MAP3K9: variants seen among roughly 807,000 people sequenced by gnomAD.
MAP3K9 encodes mixed lineage kinase 1 (tyr and ser/thr specificity).
In MAP3K9, 46 loss-of-function variants were observed where a neutral mutation model predicts 95.8. The ratio of observed to expected loss-of-function variants is 0.48; its 90% CI spans 0.38 to 0.61. The LOEUF is 0.61. Among genes scored for constraint, MAP3K9 ranks in the 20% least tolerant of loss-of-function variants. MAP3K9 has a pLI of 0.00. For synonymous variants in MAP3K9, 533 were observed against 593.8 expected (o/e 0.90, Z 1.49); for missense variants, 1,296 against 1,474.3 (o/e 0.88, Z 1.98).
In MAP3K9 at chr14:70,809,270, CA is replaced by C; in HGVS notation, c.-100del. On this transcript the variant is annotated 5_prime_UTR_variant, in exon 1 of 12. Transcript: ENST00000554752. Reference sequence around the variant, plus strand: ...CCGCAGAGCTGGGAGGACCCCCCCCCAACGACGGCGGCCGCAGGTAGGGCCC... The same window carrying C: ...CCGCAGAGCTGGGAGGACCCCCCCCCACGACGGCGGCCGCAGGTAGGGCCC... 1 of 1,235,628 alleles carries C rather than the reference CA, an allele frequency of 8.1e-7. No individual in the cohort carries two copies. The highest frequency in any genetic ancestry group is 1.0e-6 in the Non-Finnish European group (1 of 988,790). The allele number at this position is 1,235,628 out of a possible 1,614,324, so 76.5% of individuals were successfully genotyped here. A position where few individuals can be genotyped will look rare whatever the true frequency, so the allele number is the denominator to read the frequency against.
In MAP3K9 at chr14:70,800,984, A is replaced by G; in HGVS notation, c.503T>C (p.Val168Ala). Residue 168 changes from valine (V) to alanine (A), a missense_variant, in exon 2 of 12, where the codon GTT becomes GCT. By Grantham distance (64) the Val-to-Ala change is moderately conservative. Coordinates refer to ENST00000554752, the MANE Select transcript of MAP3K9 (RefSeq NM_001284230.2). ...GTCGTGGCGAGCTGCTTTCACAGCA[A>G]CCTCATCCCCTATCCAGAAAGCACG... ...VYRAFWIGDE[V>A]AVKAARHDPD... The G allele has an allele frequency of 1.2e-6, 2 of 1,614,162 alleles. No individual in the cohort carries two copies. Among genetic ancestry groups the G allele is most frequent in the Non-Finnish European group, 1.7e-6 (2 of 1,180,020 alleles).
intron 2 of MAP3K9, chr14:70,783,563 G>A: frequency 1.0e-5 from 2 of 194,992 alleles, no homozygotes; most frequent in Non-Finnish European, 1.9e-5. Context: ...AAATAGCCGG[G>A]AGGCTTCACT....
At chr14:70,732,039 T>A (rs1395560319) in intron 11 of MAP3K9, among the ~76,000 whole-genome samples, 8 of 151,870 alleles carry the variant, frequency 5.3e-5, no homozygotes, top group Non-Finnish European at 1.5e-5. Flanking sequence ...CAGGGGTGAG[T>A]GTTGAAGAGT....
intron 9 of MAP3K9, 55 bp from the exon 10 acceptor site, chr14:70,734,553 C>T (rs2053958621): frequency 2.0e-6 from 2 of 1,011,598 alleles, no homozygotes; most frequent in Admixed American, 1.9e-5. Context: ...CTTACTTGAC[C>T]CTCAGCTCCA....
At chr14:70,808,401 CT>C (rs772374712) in intron 1 of MAP3K9, among the ~76,000 whole-genome samples, 8 of 122,652 alleles carry the variant, frequency 6.5e-5, no homozygotes, top group Non-Finnish European at 1.3e-4. Flanking sequence ...TAACCACCAT[CT>C]TGCCATAAAC....
intron 1 of MAP3K9, among the ~76,000 whole-genome samples, chr14:70,804,961 T>C (rs1023829560): frequency 2.6e-5 from 4 of 152,082 alleles, no homozygotes; most frequent in African/African-American, 9.7e-5. Flanking sequence ...TCCCTGTGGA[T>C]AGGAACGAAG....
In MAP3K9 at chr14:70,748,978, G is replaced by C; in HGVS notation, c.1177C>G (p.Arg393Gly). Reference protein sequence around the residue: ...EDCWNPDPHSRPSFTNILDQL... With the variant: ...EDCWNPDPHSGPSFTNILDQL... ...TCCAGGATATTCGTGAAAGATGGTC[G>C]TGAGTGGGGATCAGGATTCCAGCAG... Residue 393 changes from arginine to glycine, a missense_variant, in exon 5 of 12, where the codon CGA becomes GGA. Physicochemically the swap from Arg to Gly is moderately radical, Grantham distance 125. This residue lies in a region of MAP3K9 where 136 missense variants were observed against 221.5 expected (regional missense o/e 0.61). Coordinates refer to ENST00000554752, the MANE Select transcript of MAP3K9 (RefSeq NM_001284230.2). The C allele has an allele frequency of 6.2e-7, 1 of 1,613,774 alleles. No individual in the cohort carries two copies. The highest frequency in any genetic ancestry group is 8.5e-7 in the Non-Finnish European group (1 of 1,179,900).
chr14:70,734,399 G>A lies in MAP3K9; in HGVS notation c.2013C>T (p.Ser671=), dbSNP rs750358520. 3 of 1,613,206 alleles carry A rather than the reference G, an allele frequency of 1.9e-6. No individual in the cohort carries two copies. Among genetic ancestry groups the A allele is most frequent in the South Asian group, 1.1e-5 (1 of 91,058 alleles). The change falls in exon 10 of 12, where the codon AGC becomes AGT. Residue 671 remains serine (S), a synonymous_variant. Coordinates refer to ENST00000554752, the MANE Select transcript of MAP3K9 (RefSeq NM_001284230.2). ...AGCTATGCTTACCCATCTCCATAAG[G>A]CTGGTGAACCCTGGCAGGGCCGGGC... The part of the protein sequence containing the change: ...RSSPALPGFT[S]LMEMEDEDSE...
chr14:70,791,932 G>C (rs2054811890), intron 2 of MAP3K9, among the ~76,000 whole-genome samples: 1 of 152,194 alleles, frequency 6.6e-6, no homozygotes, highest in African/African-American at 2.4e-5. Flanking sequence ...TTGTGCAGGA[G>C]ATGGCCACAA....
chr14:70,808,957 G>A lies in MAP3K9; in HGVS notation c.215C>T (p.Thr72Ile). ...EYEAAGEDEL[T>I]LRLGDVVEVL... ...CTCCACCACGTCGCCCAGCCGCAGG[G>A]TCAGCTCGTCCTCGCCCGCCGCCTC... The change falls in exon 1 of 12, where the codon ACC becomes ATC. Residue 72 changes from threonine (T) to isoleucine (I), a missense_variant. By Grantham distance (89) the Thr-to-Ile change is moderately conservative. Around this residue, in one of 5 missense-constraint regions of MAP3K9, gnomAD observed 338 missense variants for 363.4 expected, o/e 0.93. Coordinates refer to ENST00000554752, the MANE Select transcript of MAP3K9 (RefSeq NM_001284230.2). The A allele has an allele frequency of 1.9e-6, 3 of 1,578,164 alleles. No homozygotes were observed. The highest frequency in any genetic ancestry group is 2.6e-6 in the Non-Finnish European group (3 of 1,168,596).
chr14:70,759,582 G>A (rs1244941430), intron 3 of MAP3K9, among the ~76,000 whole-genome samples: 1 of 152,190 alleles, frequency 6.6e-6, no homozygotes, highest in East Asian at 1.9e-4. Context: ...AGTCTCTGGA[G>A]GGTGTGGCCC....
chr14:70,780,202 T>C (rs1014840736), intron 2 of MAP3K9, among the ~76,000 whole-genome samples: 1 of 152,210 alleles, frequency 6.6e-6, no homozygotes, highest in African/African-American at 2.4e-5. Flanking sequence ...TTCCTCATAA[T>C]GTGCCCACAT....
At chr14:70,786,558 G>C (rs537428432) in intron 2 of MAP3K9, among the ~76,000 whole-genome samples, 114 of 152,200 alleles carry the variant, frequency 7.5e-4, no homozygotes, top group African/African-American at 2.6e-3. Flanking sequence ...CTTTGACCTT[G>C]GGACCTTACA....
chr14:70,778,436 T>G (rs553462180), intron 2 of MAP3K9, among the ~76,000 whole-genome samples: 1 of 152,028 alleles, frequency 6.6e-6, no homozygotes, highest in Non-Finnish European at 1.5e-5. Context: ...CCACCACACC[T>G]GGCTAATTTT....
chr14:70,799,707 C>T (rs1268671566), intron 2 of MAP3K9, among the ~76,000 whole-genome samples: 8 of 152,234 alleles, frequency 5.3e-5, no homozygotes, highest in Admixed American at 5.2e-4. Context: ...ACATCTGGAA[C>T]AGCCTGGAGC....
At chr14:70,762,759 TA>T (rs1158751196) in intron 2 of MAP3K9, among the ~76,000 whole-genome samples, 4 of 152,216 alleles carry the variant, frequency 2.6e-5, no homozygotes, top group Non-Finnish European at 2.9e-5. Flanking sequence ...AAGTCCACTT[TA>T]TTTTTTTATT....
At chr14:70,739,789 A>T in intron 7 of MAP3K9, 1 of 1,186,248 alleles carries the variant, frequency 8.4e-7, no homozygotes, top group Non-Finnish European at 1.2e-6. Flanking sequence ...ACCACTAAAG[A>T]TCCCATTAGT....
At position 70,732,659 on chromosome 14, in the gene MAP3K9, T is replaced by C; in HGVS notation, c.2710A>G (p.Thr904Ala). The C allele has an allele frequency of 6.2e-7, 1 of 1,603,744 alleles. No homozygotes were observed. Among genetic ancestry groups the C allele is most frequent in the East Asian group, 2.2e-5 (1 of 44,654 alleles). The stretch of plus-strand genomic sequence containing the variant: ...TGACTGCTGGGCTGCGAGGGGGTGG[T>C]GAGGGTGACATGGGTGGGAGTCAGA... ...QSLTPTHVTL[T>A]TPSQPSSHRR... Residue 904 changes from threonine (T) to alanine (A), a missense_variant, in exon 11 of 12, where the codon ACC becomes GCC. By Grantham distance (58) the Thr-to-Ala change is moderately conservative. This residue lies in a region of MAP3K9 where 433 missense variants were observed against 441.4 expected (regional missense o/e 0.98). Transcript: ENST00000554752.
intron 6 of MAP3K9, among the ~76,000 whole-genome samples, chr14:70,740,675 G>T (rs114541188): frequency 6.6e-6 from 1 of 152,094 alleles, no homozygotes; most frequent in South Asian, 2.1e-4. Context: ...GCTCCAATTC[G>T]GACACATTCC....
Sources: gnomAD v4.1 joint callset for allele counts (sites outside exome capture counted in the v4.1 genomes callset) on GRCh38, gnomAD v4.1.1 for gene constraint, gnomAD v4.1.1 regional missense constraint, MANE v1.5 for transcripts, NCBI Gene and HGNC (gene_info 2026-07-23, HGNC 2026-07-21) for gene names.